LRRC7: variants seen among roughly 807,000 people sequenced by gnomAD.
LRRC7 encodes the protein leucine rich repeat containing 7.
Under a neutral mutation model 175.7 loss-of-function variants are expected in LRRC7, and 23 were observed. The ratio of observed to expected loss-of-function variants is 0.13; its 90% CI spans 0.09 to 0.19. The LOEUF is 0.19. Among genes scored for constraint, LRRC7 ranks in the 10% least tolerant of loss-of-function variants. The pLI is 1.00. For missense variants in LRRC7, 1,354 were observed against 1,904.7 expected, an observed-to-expected ratio of 0.71 and a Z score of 5.38; for synonymous variants, 685 against 680.9, an observed-to-expected ratio of 1.01 and a Z score of -0.09.
chr1:69,747,946 C>T (rs528793410), intron 2 of LRRC7, among the ~76,000 whole-genome samples: 29 of 152,206 alleles, frequency 1.9e-4, no homozygotes, highest in African/African-American at 7.0e-4. Flanking sequence ...TGCAGAAGGA[C>T]TCTTGAATTA....
At chr1:70,106,969 A>G (rs1182635388) in intron 25 of LRRC7, among the ~76,000 whole-genome samples, 1 of 152,198 alleles carries the variant, frequency 6.6e-6, no homozygotes, top group Admixed American at 6.6e-5. Flanking sequence ...AATGTTTATA[A>G]TTATTGGTTT....
rs118144145 is a variant in LRRC7 at position 69,944,274 on chromosome 1, G to A, written c.711+12704G>A. On this transcript the variant is annotated intron_variant, in intron 8 of 26. Transcript: ENST00000651989. ...ATTTCACTTACCAAAATATCTCCAA[G>A]GTTCATCCATGTTTCTACATGATAG... 9.7e-4 allele frequency among the ~76,000 whole-genome samples: 148 copies of A among 152,054 alleles called. 3 individuals carry two copies. The East Asian group carries it at 0.027, about 27-fold the overall frequency.
Position 69,865,469 on chromosome 1 carries a change from C to CTTTTTTTTTTTTTTTTTTTTTTT in LRRC7, c.647+27189_647+27211dup, listed in dbSNP as rs532063540. Among the ~76,000 whole-genome samples the CTTTTTTTTTTTTTTTTTTTTTTT allele has an allele frequency of 6.3e-3, 322 of 51,252 alleles. 81 individuals carry two copies. Among genetic ancestry groups the CTTTTTTTTTTTTTTTTTTTTTTT allele is most frequent in the Non-Finnish European group, 7.4e-3 (217 of 29,408 alleles). 33.6% of individuals were successfully genotyped at this position (51,252 alleles called of 152,430 possible). A position where few individuals can be genotyped will look rare whatever the true frequency, so the allele number is the denominator to read the frequency against. ...ATAAGCAAGCTGCTGAAGACAGTTCCTTTTTTTTTTTTTTTTTTTTTTTTT... is the reference window on the plus strand; with the variant it reads ...ATAAGCAAGCTGCTGAAGACAGTTCCTTTTTTTTTTTTTTTTTTTTTTTTTTTTTTTTTTTTTTTTTTTTTTTT... On this transcript the variant is annotated intron_variant, in intron 7 of 26. Coordinates refer to ENST00000651989, the MANE Select transcript of LRRC7 (RefSeq NM_001370785.2).
At chr1:69,617,255 G>A (rs1209811675) in intron 1 of LRRC7, among the ~76,000 whole-genome samples, 1 of 152,010 alleles carries the variant, frequency 6.6e-6, no homozygotes, top group Non-Finnish European at 1.5e-5. Flanking sequence ...TCAGTATTAA[G>A]CAGGACTAGT....
At chr1:69,670,509 G>A (rs1658919705) in intron 1 of LRRC7, among the ~76,000 whole-genome samples, 1 of 152,150 alleles carries the variant, frequency 6.6e-6, no homozygotes, top group East Asian at 1.9e-4. Context: ...ACCACTCTCT[G>A]GCTACCACCT....
chr1:69,805,837 C>T lies in LRRC7; in HGVS notation c.421+13677C>T, dbSNP rs533121219. Among the ~76,000 whole-genome samples the T allele has an allele frequency of 9.2e-5, 14 of 151,974 alleles. No homozygotes were observed. The South Asian group carries it at 2.9e-3, about 32-fold the overall frequency. On this transcript the variant is annotated intron_variant, in intron 4 of 26. Coordinates refer to ENST00000651989, the MANE Select transcript of LRRC7 (RefSeq NM_001370785.2). The stretch of plus-strand genomic sequence containing the variant: ...AATAATGCCTTATGTGTTTCACTAG[C>T]ACTTATTCCATGGGAGATAAAACTT...
chr1:69,613,841 G>A (rs2100269296), intron 1 of LRRC7, among the ~76,000 whole-genome samples: 1 of 152,088 alleles, frequency 6.6e-6, no homozygotes, highest in Middle Eastern at 3.4e-3. Context: ...AATTATTCTG[G>A]AAATATGTCT....
At chr1:69,919,948 G>T (rs1646835176) in intron 7 of LRRC7, 1 of 593,454 alleles carries the variant, frequency 1.7e-6, no homozygotes, top group Non-Finnish European at 3.1e-6. Flanking sequence ...TTACCAAAAT[G>T]GCTGGGAGGG....
At chr1:69,654,107 T>C (rs549359215) in intron 1 of LRRC7, among the ~76,000 whole-genome samples, 115 of 151,182 alleles carry the variant, frequency 7.6e-4, no homozygotes, top group Non-Finnish European at 1.5e-3. Flanking sequence ...TTAGATCTCA[T>C]GTTATTTATT....
chr1:69,608,684 A>G (rs1186565661), intron 1 of LRRC7, among the ~76,000 whole-genome samples: 1 of 151,810 alleles, frequency 6.6e-6, no homozygotes, highest in African/African-American at 2.4e-5. Context: ...CATTTTGCTG[A>G]GTGATTGACA....
chr1:69,823,773 A>G (rs1187887428), intron 4 of LRRC7, among the ~76,000 whole-genome samples: 1 of 152,170 alleles, frequency 6.6e-6, no homozygotes, highest in Non-Finnish European at 1.5e-5. Flanking sequence ...TAGCATTATT[A>G]CAGCACTTTG....
At chr1:69,946,092 A>G (rs1161310799) in intron 8 of LRRC7, among the ~76,000 whole-genome samples, 1 of 152,138 alleles carries the variant, frequency 6.6e-6, no homozygotes, top group African/African-American at 2.4e-5. Context: ...AGTGTCGAGC[A>G]TGATGTTAGC....
At chr1:69,625,025 A>G (rs1651253193) in intron 1 of LRRC7, among the ~76,000 whole-genome samples, 2 of 152,110 alleles carry the variant, frequency 1.3e-5, no homozygotes. Context: ...CAAAGACCTC[A>G]AAAAATTGTC....
chr1:69,852,927 G>A (rs1262988202), intron 7 of LRRC7, among the ~76,000 whole-genome samples: 2 of 152,206 alleles, frequency 1.3e-5, no homozygotes, highest in East Asian at 3.9e-4. Context: ...TGCCTGGTGA[G>A]CAAACTGTGT....
chr1:69,803,933 T>C (rs1012920280), intron 4 of LRRC7, among the ~76,000 whole-genome samples: 3 of 151,428 alleles, frequency 2.0e-5, no homozygotes, highest in Non-Finnish European at 4.4e-5. Context: ...TTTTCTACTT[T>C]ATTAATCTCT....
chr1:70,066,817 C>A (rs1171500995), intron 23 of LRRC7, among the ~76,000 whole-genome samples: 2 of 151,982 alleles, frequency 1.3e-5, no homozygotes, highest in African/African-American at 4.8e-5. Context: ...AACATTTTTC[C>A]AGAGTGGCTC....
intron 1 of LRRC7, among the ~76,000 whole-genome samples, chr1:69,603,160 T>A (rs1011972770): frequency 6.6e-6 from 1 of 152,314 alleles, no homozygotes; most frequent in South Asian, 2.1e-4. Flanking sequence ...TGGATACTTA[T>A]GATTGGATTC....
intron 2 of LRRC7, among the ~76,000 whole-genome samples, chr1:69,702,633 C>A (rs765465941): frequency 2.2e-4 from 33 of 151,952 alleles, no homozygotes; most frequent in Non-Finnish European, 4.3e-4. Context: ...GACATGGAGG[C>A]TATTCAGCAA....
intron 4 of LRRC7, among the ~76,000 whole-genome samples, chr1:69,804,134 T>A (rs1440238731): frequency 6.6e-6 from 1 of 151,472 alleles, no homozygotes; most frequent in African/African-American, 2.4e-5. Context: ...CACCGTTGTT[T>A]TTATTGAAAT....
Sources: gnomAD v4.1 joint callset for allele counts (sites outside exome capture counted in the v4.1 genomes callset) on GRCh38, gnomAD v4.1.1 for gene constraint, MANE v1.5 for transcripts, NCBI Gene and HGNC (gene_info 2026-07-23, HGNC 2026-07-21) for gene names.